Variants in ITPR2 observed in about 807,000 individuals in gnomAD.
The protein encoded by ITPR2 is inositol 1,4,5-trisphosphate-gated calcium channel ITPR2.
ITPR2 carries 207 observed loss-of-function variants against 317.1 expected under a neutral mutation model. That is an observed-to-expected ratio of 0.65 (90% CI 0.58 to 0.73). The LOEUF is 0.73. ITPR2 is among the 30% of genes least tolerant of loss of function. The pLI, the probability that ITPR2 is intolerant of heterozygous loss-of-function variation, is 0.00. For synonymous variants in ITPR2, 1,156 were observed against 1,149.1 expected (o/e 1.01, Z -0.12); for missense variants, 2,613 against 3,284.0 (o/e 0.80, Z 4.99).
At chr12:26,512,003 A>G (rs985772871) in intron 37 of ITPR2, among the ~76,000 whole-genome samples, 1 of 152,088 alleles carries the variant, frequency 6.6e-6, no homozygotes, top group Admixed American at 6.6e-5. Context: ...TCTCTGCCTC[A>G]TCTACTCTTC....
rs1945648848 is a variant in ITPR2 at position 26,589,832 on chromosome 12, AC to A, written c.4380+5632del. ...AAAAAATAAATAAATAAATAAATAA[AC>A]ATATATATATATATATATATACACA... On this transcript the variant is annotated intron_variant, in intron 32 of 56. Coordinates refer to ENST00000381340, the MANE Select transcript of ITPR2 (RefSeq NM_002223.4). 1.0e-4 allele frequency among the ~76,000 whole-genome samples: 2 copies of A among 19,060 alleles called. 1 individual carries two copies. 12.5% of individuals were successfully genotyped at this position (19,060 alleles called of 152,430 possible). A position where few individuals can be genotyped will look rare whatever the true frequency, so the allele number is the denominator to read the frequency against.
chr12:26,827,579 G>T (rs1951027052), intron 1 of ITPR2, among the ~76,000 whole-genome samples: 2 of 152,122 alleles, frequency 1.3e-5, no homozygotes. Flanking sequence ...TTACCTTATG[G>T]CAGAAATTCC....
At chr12:26,743,771 G>T (rs1435457211) in intron 2 of ITPR2, among the ~76,000 whole-genome samples, 1 of 152,108 alleles carries the variant, frequency 6.6e-6, no homozygotes, top group African/African-American at 2.4e-5. Flanking sequence ...CATGCCTGTA[G>T]TCCCAGCTAC....
chr12:26,680,300 T>C (rs568288010), intron 13 of ITPR2, among the ~76,000 whole-genome samples: 29 of 152,298 alleles, frequency 1.9e-4, no homozygotes, highest in African/African-American at 7.0e-4. Flanking sequence ...TATGGGTATA[T>C]GTATATATTG....
intron 24 of ITPR2, 21 bp downstream of exon 24, chr12:26,624,278 G>T (rs1340263152): frequency 1.3e-6 from 2 of 1,500,940 alleles, no homozygotes; most frequent in Non-Finnish European, 1.8e-6. Flanking sequence ...GTAAGATAAA[G>T]ATATATAAAT....
At chr12:26,626,868 A>G (rs927490433) in intron 23 of ITPR2, among the ~76,000 whole-genome samples, 1 of 152,208 alleles carries the variant, frequency 6.6e-6, no homozygotes, top group African/African-American at 2.4e-5. Context: ...TACAAATCCT[A>G]TTCTCACGAA....
chr12:26,766,555 C>T (rs889336165), intron 2 of ITPR2, among the ~76,000 whole-genome samples: 4 of 152,048 alleles, frequency 2.6e-5, no homozygotes, highest in African/African-American at 4.8e-5. Flanking sequence ...ATATCTTCTC[C>T]CTTTCTTTGG....
At chr12:26,829,457 A>G (rs1301637151) in intron 1 of ITPR2, among the ~76,000 whole-genome samples, 2 of 151,892 alleles carry the variant, frequency 1.3e-5, no homozygotes, top group African/African-American at 4.8e-5. Flanking sequence ...CAGCCTCCCA[A>G]GTGGCTGAGA....
intron 9 of ITPR2, among the ~76,000 whole-genome samples, chr12:26,709,517 C>T (rs1436650596): frequency 1.4e-4 from 21 of 152,150 alleles, no homozygotes; most frequent in Non-Finnish European, 3.1e-4. Flanking sequence ...CTTGGATCCT[C>T]ACTAAGGTTA....
chr12:26,353,799 GGA>G (rs1282002814), intron 55 of ITPR2, among the ~76,000 whole-genome samples: 2 of 151,536 alleles, frequency 1.3e-5, no homozygotes, highest in African/African-American at 2.4e-5. Context: ...CTTATTAGAG[GGA>G]GAATTAGGAA....
rs1200022848 is a variant in ITPR2 at position 26,449,287 on chromosome 12, G to A, written c.6343-5637C>T. The stretch of plus-strand genomic sequence containing the variant: ...TTGTATTACAATACAATGCCTTCAT[G>A]TCAAACACTACTCCTATTTGAAGCA... On this transcript the variant is annotated intron_variant, in intron 45 of 56. Coordinates refer to ENST00000381340, the MANE Select transcript of ITPR2 (RefSeq NM_002223.4). 4.6e-5 allele frequency among the ~76,000 whole-genome samples: 7 copies of A among 152,162 alleles called. No homozygotes were observed. In the East Asian group the frequency reaches 1.3e-3, roughly 29 times the overall value.
At chr12:26,464,328 A>C (rs1942115371) in intron 45 of ITPR2, among the ~76,000 whole-genome samples, 1 of 152,244 alleles carries the variant, frequency 6.6e-6, no homozygotes, top group Admixed American at 6.5e-5. Flanking sequence ...AACAGGAGAC[A>C]GTAACAGATC....
rs1938023690 is a variant in ITPR2, at chr12:26,339,286, G to T, written c.*111C>A. On this transcript the variant is annotated 3_prime_UTR_variant, in exon 57 of 57. Coordinates refer to ENST00000381340, the MANE Select transcript of ITPR2 (RefSeq NM_002223.4). ...CCACTCAACATCTTGGCACTTGGTT[G>T]TTTTTAACTTTTCAACAATAGGCAC... 2 of 885,792 alleles carry T rather than the reference G, an allele frequency of 2.3e-6. No individual in the cohort carries two copies. The highest frequency in any genetic ancestry group is 1.8e-6 in the Non-Finnish European group (1 of 557,264). The allele number at this position is 885,792 out of a possible 1,614,324, so 54.9% of individuals were successfully genotyped here.
At position 26,585,601 on chromosome 12, in the gene ITPR2, C is replaced by T. The variant is rs979498560; in HGVS notation, c.4381-5446G>A. Among the ~76,000 whole-genome samples, 5 of 152,158 alleles carry T rather than the reference C, an allele frequency of 3.3e-5. No individual in the cohort carries two copies. The South Asian group carries it at 6.2e-4, about 19-fold the overall frequency. Reference sequence around the variant, plus strand: ...TGTATTTTTTGTAGAGACAGGGTTTCGCCATGTTTCCCAGGCTGGTCTCGA... The same window carrying T: ...TGTATTTTTTGTAGAGACAGGGTTTTGCCATGTTTCCCAGGCTGGTCTCGA... On this transcript the variant is annotated intron_variant, in intron 32 of 56. Coordinates refer to ENST00000381340, the MANE Select transcript of ITPR2 (RefSeq NM_002223.4).
At position 26,595,571 on chromosome 12, in the gene ITPR2, T is replaced by C; in HGVS notation, c.4274A>G (p.Asn1425Ser). The C allele has an allele frequency of 3.2e-6, 5 of 1,586,586 alleles. No individual in the cohort carries two copies. The highest frequency in any genetic ancestry group is 1.4e-5 in the African/African-American group (1 of 72,984). The change falls in exon 32 of 57, where the codon AAC (asparagine) becomes AGC (serine). Residue 1425 changes from asparagine (N) to serine (S), a missense_variant. Coordinates refer to ENST00000381340, the MANE Select transcript of ITPR2 (RefSeq NM_002223.4). ...CIPEVKIAYV[N>S]FVNHCYVDTE... ...GTCAACATAACAGTGATTAACAAAG[T>C]TCACATAAGCAATTTTAACCTGTGC...
intron 1 of ITPR2, among the ~76,000 whole-genome samples, chr12:26,791,640 G>A (rs905542985): frequency 7.2e-5 from 11 of 152,182 alleles, no homozygotes; most frequent in Admixed American, 7.2e-4. Flanking sequence ...TTACTAAAAT[G>A]TGGTTTTACA....
chr12:26,767,773 T>A (rs1372249366), intron 2 of ITPR2, among the ~76,000 whole-genome samples: 1 of 152,226 alleles, frequency 6.6e-6, no homozygotes, highest in African/African-American at 2.4e-5. Context: ...ATGTATTAAA[T>A]CTTTTTCTTC....
At chr12:26,452,587 G>A (rs377395306) in intron 45 of ITPR2, among the ~76,000 whole-genome samples, 1 of 152,140 alleles carries the variant, frequency 6.6e-6, no homozygotes, top group Admixed American at 6.5e-5. Flanking sequence ...AAGTGATTAG[G>A]TCATTAAGAG....
chr12:26,343,512 G>A (rs7979004), intron 55 of ITPR2, among the ~76,000 whole-genome samples: 90,230 of 151,982 alleles, frequency 0.59, 27,657 homozygotes, highest in African/African-American at 0.75. Context: ...CCACAAAACT[G>A]TACACTTTAA....
Sources: allele counts gnomAD v4.1 joint callset (sites outside exome capture counted in the v4.1 genomes callset), GRCh38; gene constraint gnomAD v4.1.1; transcripts MANE v1.5; gene names NCBI Gene and HGNC (gene_info 2026-07-23, HGNC 2026-07-21).